Variants in CTNNA3 observed in about 807,000 individuals in gnomAD.
CTNNA3 encodes catenin alpha-3.
Under a neutral mutation model 95.7 loss-of-function variants are expected in CTNNA3, and 76 were observed. That is an observed-to-expected ratio of 0.79 (90% CI 0.66 to 0.96). CTNNA3 has a LOEUF of 0.96. Among genes scored for constraint, CTNNA3 ranks in the 40% least tolerant of loss-of-function variants. The pLI is 0.00. For missense variants in CTNNA3, 1,191 were observed against 1,089.8 expected (o/e 1.09, Z -1.31); for synonymous variants, 431 against 374.4 (o/e 1.15, Z -1.74).
intron 5 of CTNNA3, among the ~76,000 whole-genome samples, chr10:67,465,231 T>C (rs1286227687): frequency 2.0e-5 from 3 of 152,132 alleles, no homozygotes; most frequent in African/African-American, 4.8e-5. Flanking sequence ...CACAGAATTT[T>C]ATTTTTTTAA....
intron 5 of CTNNA3, among the ~76,000 whole-genome samples, chr10:67,295,872 T>A (rs1467886132): frequency 5.9e-5 from 9 of 152,232 alleles, no homozygotes; most frequent in Admixed American, 5.9e-4. Context: ...TTATCTCAGA[T>A]GCTGATACAA....
chr10:66,831,340 A>T (rs1003391696), intron 7 of CTNNA3, among the ~76,000 whole-genome samples: 3 of 152,010 alleles, frequency 2.0e-5, no homozygotes, highest in Non-Finnish European at 4.4e-5. Flanking sequence ...GCCAGGCTTC[A>T]CTCGTTCTGA....
chr10:66,758,416 G>A (rs1839461907), intron 9 of CTNNA3, among the ~76,000 whole-genome samples: 2 of 152,188 alleles, frequency 1.3e-5, no homozygotes, highest in African/African-American at 4.8e-5. Flanking sequence ...TTATGCTTGT[G>A]TTTAATTGAG....
intron 9 of CTNNA3, among the ~76,000 whole-genome samples, chr10:66,749,640 T>C (rs1281259796): frequency 6.6e-6 from 1 of 152,230 alleles, no homozygotes; most frequent in African/African-American, 2.4e-5. Flanking sequence ...GCTTTCATGT[T>C]TTGGCAATTA....
intron 13 of CTNNA3, among the ~76,000 whole-genome samples, chr10:66,145,776 T>C (rs1343790636): frequency 6.6e-6 from 1 of 152,202 alleles, no homozygotes; most frequent in Non-Finnish European, 1.5e-5. Context: ...TTGCTGCTTA[T>C]TCATAGATAC....
intron 7 of CTNNA3, among the ~76,000 whole-genome samples, chr10:66,943,737 C>T (rs1042824645): frequency 2.6e-5 from 4 of 152,060 alleles, no homozygotes; most frequent in Non-Finnish European, 5.9e-5. Flanking sequence ...GGTTTGGTTC[C>T]AGAACCCCAC....
chr10:67,061,829 C>T (rs1175495520), intron 7 of CTNNA3, among the ~76,000 whole-genome samples: 1 of 152,056 alleles, frequency 6.6e-6, no homozygotes. Flanking sequence ...GGCAGATAAG[C>T]AGATGAGAGG....
chr10:66,446,803 T>C (rs1240191058), intron 11 of CTNNA3, among the ~76,000 whole-genome samples: 3 of 152,026 alleles, frequency 2.0e-5, no homozygotes, highest in African/African-American at 7.3e-5. Context: ...CTATTCAACA[T>C]AGTGTTGGAA....
intron 11 of CTNNA3, among the ~76,000 whole-genome samples, chr10:66,468,222 G>A (rs1838998269): frequency 6.6e-6 from 1 of 151,890 alleles, no homozygotes; most frequent in African/African-American, 2.4e-5. Flanking sequence ...CAAAATCTAT[G>A]ATCTCCGAAC....
At chr10:66,860,206 G>A (rs561326508) in intron 7 of CTNNA3, among the ~76,000 whole-genome samples, 55 of 152,190 alleles carry the variant, frequency 3.6e-4, no homozygotes, top group Middle Eastern at 6.8e-3. Context: ...AGGCACTTTA[G>A]AGATAATCTA....
intron 7 of CTNNA3, among the ~76,000 whole-genome samples, chr10:67,007,516 A>G (rs1589592493): frequency 2.0e-5 from 3 of 152,066 alleles, no homozygotes; most frequent in Admixed American, 1.3e-4. Flanking sequence ...AGGCAGTTCA[A>G]CTGCCACTGA....
At chr10:66,662,918 A>C (rs1182564877) in intron 9 of CTNNA3, among the ~76,000 whole-genome samples, 1 of 152,046 alleles carries the variant, frequency 6.6e-6, no homozygotes, top group East Asian at 1.9e-4. Context: ...ATCCTGCTTA[A>C]AATGTTTACC....
At chr10:67,701,446 C>A (rs1446074980) in intron 1 of CTNNA3, among the ~76,000 whole-genome samples, 1 of 152,200 alleles carries the variant, frequency 6.6e-6, no homozygotes, top group Non-Finnish European at 1.5e-5. Flanking sequence ...ACTCTACAAG[C>A]CAGAAGAGAG....
chr10:66,824,967 A>T (rs1842444982), intron 7 of CTNNA3, among the ~76,000 whole-genome samples: 1 of 151,976 alleles, frequency 6.6e-6, no homozygotes, highest in Non-Finnish European at 1.5e-5. Flanking sequence ...GATGTTAACA[A>T]TAGGGGAAAC....
chr10:66,572,979 C>G (rs1169011896), intron 10 of CTNNA3, among the ~76,000 whole-genome samples: 1 of 152,090 alleles, frequency 6.6e-6, no homozygotes, highest in East Asian at 1.9e-4. Context: ...TTGTGTTTCC[C>G]CTAATGAAAA....
chr10:66,526,016 G>A (rs1194037749), intron 10 of CTNNA3, among the ~76,000 whole-genome samples: 1 of 152,076 alleles, frequency 6.6e-6, no homozygotes, highest in Non-Finnish European at 1.5e-5. Flanking sequence ...ATATTCTACA[G>A]TATGTACATA....
chr10:67,588,530 T>A (rs1456692370), intron 3 of CTNNA3, among the ~76,000 whole-genome samples: 2 of 150,322 alleles, frequency 1.3e-5, no homozygotes, highest in Non-Finnish European at 3.0e-5. Flanking sequence ...ATTGAATTTA[T>A]GGGGGGGGGA....
At chr10:66,512,861 T>G (rs1391656051) in intron 11 of CTNNA3, among the ~76,000 whole-genome samples, 1 of 152,184 alleles carries the variant, frequency 6.6e-6, no homozygotes, top group African/African-American at 2.4e-5. Context: ...AAGTTTCTTC[T>G]GAGAAATCTG....
intron 11 of CTNNA3, among the ~76,000 whole-genome samples, chr10:66,493,307 A>C (rs780070439): frequency 1.3e-5 from 2 of 152,172 alleles, no homozygotes; most frequent in Non-Finnish European, 2.9e-5. Flanking sequence ...TCTTTTGCAA[A>C]ACCACAATGC....
Sources: gnomAD v4.1 joint callset for allele counts (sites outside exome capture counted in the v4.1 genomes callset) on GRCh38, gnomAD v4.1.1 for gene constraint, MANE v1.5 for transcripts, NCBI Gene and HGNC (gene_info 2026-07-23, HGNC 2026-07-21) for gene names.